The following KDM4B variants were observed in gnomAD, a reference collection of about 807,000 sequenced individuals.
KDM4B encodes lysine demethylase 4B, also known as lysine-specific demethylase 4B.
In KDM4B, 32 loss-of-function variants were observed where a neutral mutation model predicts 125.2. The observed-to-expected ratio is 0.26, with a 90% confidence interval of 0.19 to 0.34. The LOEUF is 0.34. Ranked by LOEUF, KDM4B falls within the 10% of genes least tolerant of loss-of-function variation. The pLI is 1.00. For missense variants in KDM4B, 1,190 were observed against 1,577.7 expected (o/e 0.75, Z 4.16); for synonymous variants, 721 against 677.9 (o/e 1.06, Z -0.99).
At chr19:5,107,490 A>C (rs755852709) in intron 9 of KDM4B, among the ~76,000 whole-genome samples, 5 of 152,206 alleles carry the variant, frequency 3.3e-5, no homozygotes, top group African/African-American at 4.8e-5. Context: ...GGCTGTGGTG[A>C]GAACAGTCAG....
chr19:5,073,526 A>C (rs1404242393), intron 7 of KDM4B, among the ~76,000 whole-genome samples: 1 of 152,208 alleles, frequency 6.6e-6, no homozygotes, highest in Non-Finnish European at 1.5e-5. Flanking sequence ...AACTGAGACT[A>C]CAGTTAGCCA....
At chr19:5,133,656 C>T (rs563630558) in intron 13 of KDM4B, among the ~76,000 whole-genome samples, 4 of 152,300 alleles carry the variant, frequency 2.6e-5, no homozygotes, top group African/African-American at 7.2e-5. Flanking sequence ...CCGAGACAGA[C>T]GTGTCCCCCT....
chr19:5,041,563 C>T (rs1479754639), intron 5 of KDM4B, among the ~76,000 whole-genome samples: 4 of 152,232 alleles, frequency 2.6e-5, no homozygotes, highest in Non-Finnish European at 2.9e-5. Context: ...CCCTGCCGCT[C>T]GTCTTCCTGG....
At chr19:5,146,187 GCCGGCCCCGC>G (rs1226032124) in intron 21 of KDM4B, among the ~76,000 whole-genome samples, 2 of 147,710 alleles carry the variant, frequency 1.4e-5, no homozygotes, top group Non-Finnish European at 3.0e-5. Flanking sequence ...TGCCATGCAG[GCCGGCCCCGC>G]CCGGTCACTG....
intron 2 of KDM4B, among the ~76,000 whole-genome samples, chr19:5,027,878 T>C (rs1425403043): frequency 1.3e-5 from 2 of 152,208 alleles, no homozygotes; most frequent in African/African-American, 4.8e-5. Context: ...TTATTAGATA[T>C]AATTTGCACA....
At chr19:5,038,397 G>A (rs1004545426) in intron 3 of KDM4B, among the ~76,000 whole-genome samples, 7 of 152,346 alleles carry the variant, frequency 4.6e-5, no homozygotes, top group Middle Eastern at 3.4e-3. Context: ...CGTGTACTCC[G>A]GATAGCCCTG....
chr19:4,987,622 A>C (rs1396814021), intron 1 of KDM4B, among the ~76,000 whole-genome samples: 2 of 152,164 alleles, frequency 1.3e-5, no homozygotes, highest in African/African-American at 4.8e-5. Flanking sequence ...GTCTTTTATT[A>C]AGGTGAACTT....
intron 1 of KDM4B, among the ~76,000 whole-genome samples, chr19:5,013,231 C>T (rs748197003): frequency 5.9e-5 from 9 of 152,164 alleles, no homozygotes; most frequent in Middle Eastern, 3.2e-3. Context: ...GGTGGCCCGT[C>T]GTGCAGCGGG....
intron 10 of KDM4B, among the ~76,000 whole-genome samples, chr19:5,117,402 G>A (rs776719883): frequency 3.3e-5 from 5 of 152,092 alleles, no homozygotes; most frequent in Non-Finnish European, 5.9e-5. Flanking sequence ...GAGCGGCATG[G>A]GAGGGCGCCC....
At chr19:5,098,789 G>A (rs2038876566) in intron 9 of KDM4B, among the ~76,000 whole-genome samples, 1 of 152,128 alleles carries the variant, frequency 6.6e-6, no homozygotes, top group South Asian at 2.1e-4. Flanking sequence ...GTGAGAAGAT[G>A]CCAAGAATCA....
intron 1 of KDM4B, among the ~76,000 whole-genome samples, chr19:5,008,597 T>C (rs910821451): frequency 2.0e-5 from 3 of 149,316 alleles, no homozygotes; most frequent in East Asian, 1.9e-4. Flanking sequence ...TTTTCTTTTT[T>C]TTTTTTTTTT....
At chr19:5,058,961 A>G (rs1271685676) in intron 6 of KDM4B, among the ~76,000 whole-genome samples, 1 of 152,196 alleles carries the variant, frequency 6.6e-6, no homozygotes, top group African/African-American at 2.4e-5. Flanking sequence ...GTGAATTCCC[A>G]TCTTCAGATA....
rs554319100 is a variant in KDM4B, at chr19:5,031,633, C to G, written c.-25-1233C>G. ...GGGTATCAGCCCTGTGTGCTGCAGG[C>G]AGGGTATGGGGTGGACCCAAGGCAG... On this transcript the variant is annotated intron_variant, in intron 2 of 22. Transcript: ENST00000159111. Among the ~76,000 whole-genome samples the G allele has an allele frequency of 2.6e-5, 4 of 152,336 alleles. No individual in the cohort carries two copies. In the South Asian group the frequency reaches 8.3e-4, roughly 32 times the overall value.
intron 10 of KDM4B, 81 bp from the exon 11 acceptor site, chr19:5,119,572 C>G: frequency 7.4e-7 from 1 of 1,353,856 alleles, no homozygotes; most frequent in Non-Finnish European, 1.0e-6. Context: ...GCGGGGGCTG[C>G]GTGCTGCCGG....
intron 1 of KDM4B, among the ~76,000 whole-genome samples, chr19:4,994,395 A>T (rs1340450030): frequency 6.6e-6 from 1 of 151,744 alleles, no homozygotes; most frequent in Non-Finnish European, 1.5e-5. Context: ...AACATGGAGA[A>T]ACCTTGTCTC....
intron 1 of KDM4B, among the ~76,000 whole-genome samples, chr19:4,983,701 G>A (rs1396508392): frequency 6.6e-6 from 1 of 152,200 alleles, no homozygotes; most frequent in African/African-American, 2.4e-5. Context: ...TGCTTCTTTG[G>A]CTGTAGGAAA....
chr19:5,099,888 A>G (rs1354084928), intron 9 of KDM4B, among the ~76,000 whole-genome samples: 3 of 152,372 alleles, frequency 2.0e-5, no homozygotes, highest in South Asian at 4.1e-4. Context: ...ACCTTGAGAA[A>G]TAAGGAAAGG....
intron 9 of KDM4B, among the ~76,000 whole-genome samples, chr19:5,093,573 C>T (rs1261302479): frequency 6.6e-6 from 1 of 152,222 alleles, no homozygotes; most frequent in Non-Finnish European, 1.5e-5. Flanking sequence ...AACAGGGGGC[C>T]CACTCGTCCT....
chr19:5,138,829 C>T (rs989714795), intron 18 of KDM4B, among the ~76,000 whole-genome samples: 7 of 152,244 alleles, frequency 4.6e-5, no homozygotes, highest in East Asian at 1.9e-4. Context: ...CAGCTCCCTC[C>T]GCCCACCCCA....
Sources: gnomAD v4.1 joint callset for allele counts (sites outside exome capture counted in the v4.1 genomes callset) on GRCh38, gnomAD v4.1.1 for gene constraint, MANE v1.5 for transcripts, NCBI Gene and HGNC (gene_info 2026-07-23, HGNC 2026-07-21) for gene names.